The following ATAD5 variants were observed in gnomAD, a reference collection of about 807,000 sequenced individuals.
The protein encoded by ATAD5 is ATPase family AAA domain-containing protein 5.
ATAD5 carries 58 observed loss-of-function variants against 176.9 expected under a neutral mutation model. The observed-to-expected ratio is 0.33, with a 90% CI of 0.27 to 0.41. The LOEUF (loss-of-function observed/expected upper bound fraction) is 0.41, where lower values mean the gene tolerates loss of function less well. ATAD5 is among the 10% of genes least tolerant of loss of function. The probability of loss-of-function intolerance (pLI) is 1.00; values close to 1 mark genes in which losing one functional copy is unlikely to be tolerated. For missense variants in ATAD5, 1,789 were observed against 2,094.1 expected (o/e 0.85, Z 2.84); for synonymous variants, 640 against 712.6 (o/e 0.90, Z 1.62).
intron 19 of ATAD5, among the ~76,000 whole-genome samples, chr17:30,891,909 C>G (rs1246634957): frequency 6.8e-6 from 1 of 146,376 alleles, no homozygotes; most frequent in African/African-American, 2.5e-5. Flanking sequence ...TGGTCTCGAA[C>G]TTGCCCAGGA....
chr17:30,883,256 C>G (rs148429419), intron 18 of ATAD5, among the ~76,000 whole-genome samples: 5 of 151,808 alleles, frequency 3.3e-5, no homozygotes, highest in African/African-American at 9.7e-5. Context: ...TCCTGAGTAG[C>G]TAGGACCATA....
rs1371352934 is a variant in ATAD5 at position 30,895,053 on chromosome 17, G to A, written c.*140G>A. 1 of 533,358 alleles carries A rather than the reference G, an allele frequency of 1.9e-6. No homozygotes were observed. The highest frequency in any genetic ancestry group is 3.0e-6 in the Non-Finnish European group (1 of 332,098). 33.0% of individuals were successfully genotyped at this position (533,358 alleles called of 1,614,324 possible). A position where few individuals can be genotyped will look rare whatever the true frequency, so the allele number is the denominator to read the frequency against. On this transcript the variant is annotated 3_prime_UTR_variant, in exon 23 of 23. Coordinates refer to ENST00000321990, the MANE Select transcript of ATAD5 (RefSeq NM_024857.5). ...AATTTGTATATTTTTTTATTGGCGG[G>A]TAAATATTTAAAATATTTGAGTTAC...
chr17:30,832,777 G>C (rs966036717), intron 1 of ATAD5, among the ~76,000 whole-genome samples: 28 of 152,198 alleles, frequency 1.8e-4, no homozygotes, highest in African/African-American at 6.5e-4. Flanking sequence ...CTGAACTTTA[G>C]CGCTGAAGAA....
chr17:30,860,553 A>G lies in ATAD5; in HGVS notation c.3077A>G (p.Lys1026Arg). Residue 1026 changes from lysine to arginine, a missense_variant, in exon 10 of 23, where the codon AAG becomes AGG. By Grantham distance (26) the Lys-to-Arg change is conservative. Around this residue, in one of 6 missense-constraint regions of ATAD5, gnomAD observed 487 missense variants for 573.6 expected, o/e 0.85. Coordinates refer to ENST00000321990, the MANE Select transcript of ATAD5 (RefSeq NM_024857.5). ...YSKNLEKTNR[K>R]SEELSKRNNS... Reference sequence around the variant, plus strand: ...AAAAATCTGGAGAAGACCAATAGGAAGTCAGAAGAACTTAGCAAAAGAAAC... The same window carrying G: ...AAAAATCTGGAGAAGACCAATAGGAGGTCAGAAGAACTTAGCAAAAGAAAC... The G allele has an allele frequency of 6.3e-7, 1 of 1,594,504 alleles. No homozygotes were observed.
chr17:30,850,159 T>C (rs1906782010), intron 6 of ATAD5, among the ~76,000 whole-genome samples: 1 of 151,998 alleles, frequency 6.6e-6, no homozygotes, highest in South Asian at 2.1e-4. Context: ...AATTTTTTTT[T>C]TGCTCTTCTT....
chr17:30,891,710 G>C (rs1909648570), intron 19 of ATAD5, among the ~76,000 whole-genome samples: 1 of 150,266 alleles, frequency 6.7e-6, no homozygotes, highest in Non-Finnish European at 1.5e-5. Flanking sequence ...CTTTGAGTTG[G>C]AGTCTCGCTC....
At chr17:30,844,146 T>C in intron 5 of ATAD5, 107 bp downstream of exon 5, 1 of 1,033,818 alleles carries the variant, frequency 9.7e-7, no homozygotes, top group Non-Finnish European at 1.3e-6. Context: ...TATTTATTTT[T>C]GAGACGGAGT....
intron 7 of ATAD5, 23 bp from the exon 8 acceptor site, chr17:30,856,932 G>T: frequency 1.3e-6 from 2 of 1,549,106 alleles, no homozygotes; most frequent in East Asian, 4.6e-5. Context: ...GGTTTATTAA[G>T]ATATTTGTCT....
At position 30,836,054 on chromosome 17, in the gene ATAD5, GT is replaced by G. The variant is rs775302184; in HGVS notation, c.1967+9del. On this transcript the variant is annotated splice_region_variant and intron_variant, in intron 2 of 22. Coordinates refer to ENST00000321990, the MANE Select transcript of ATAD5 (RefSeq NM_024857.5). ...GATTCAGAGAGCCCTATTAGGTAAG[GT>G]TTGTTTTTGTTCTAACGTTCTAGTA... 2 of 1,568,254 alleles carry G rather than the reference GT, an allele frequency of 1.3e-6. No homozygotes were observed. Among genetic ancestry groups the G allele is most frequent in the Non-Finnish European group, 1.7e-6 (2 of 1,160,112 alleles).
At chr17:30,867,694 C>G (rs555523736) in intron 11 of ATAD5, among the ~76,000 whole-genome samples, 1 of 152,190 alleles carries the variant, frequency 6.6e-6, no homozygotes, top group African/African-American at 2.4e-5. Context: ...TCACTGCAAC[C>G]TTCGCCTCTC....
intron 19 of ATAD5, among the ~76,000 whole-genome samples, chr17:30,888,933 G>A (rs1909471291): frequency 6.6e-6 from 1 of 151,838 alleles, no homozygotes. Flanking sequence ...GGGTGTGGCG[G>A]CACATGCCTG....
At position 30,894,959 on chromosome 17, in the gene ATAD5, A is replaced by C. The variant is rs1909834151; in HGVS notation, c.*46A>C. 7.7e-7 allele frequency: 1 copy of C among 1,301,090 alleles called. No homozygotes were observed. The highest frequency in any genetic ancestry group is 1.6e-5 in the South Asian group (1 of 63,684). The allele number at this position is 1,301,090 out of a possible 1,614,324, so 80.6% of individuals were successfully genotyped here. A position where few individuals can be genotyped will look rare whatever the true frequency, so the allele number is the denominator to read the frequency against. ...TTGTATAGATTATCATGTGGTCCTTAAGATACATTTTTATATTATGTGGAT... is the reference window on the plus strand; with the variant it reads ...TTGTATAGATTATCATGTGGTCCTTCAGATACATTTTTATATTATGTGGAT... On this transcript the variant is annotated 3_prime_UTR_variant, in exon 23 of 23. Transcript: ENST00000321990.
At chr17:30,833,277 C>G (rs1007529677) in intron 1 of ATAD5, among the ~76,000 whole-genome samples, 4 of 152,054 alleles carry the variant, frequency 2.6e-5, no homozygotes, top group Non-Finnish European at 4.4e-5. Context: ...ACTTGATGTA[C>G]ACAGTTCTTG....
intron 4 of ATAD5, among the ~76,000 whole-genome samples, chr17:30,843,051 T>C (rs1906230237): frequency 6.6e-6 from 1 of 151,688 alleles, no homozygotes; most frequent in Non-Finnish European, 1.5e-5. Flanking sequence ...ATTAGTTGCT[T>C]TTTCAAAAAA....
At chr17:30,866,086 C>G (rs1738749943) in intron 11 of ATAD5, among the ~76,000 whole-genome samples, 1 of 151,082 alleles carries the variant, frequency 6.6e-6, no homozygotes, top group Admixed American at 6.6e-5. Context: ...CCCAGTCCTT[C>G]ATCTTCAATT....
intron 6 of ATAD5, among the ~76,000 whole-genome samples, chr17:30,850,808 AATT>A (rs1467016525): frequency 2.4e-5 from 3 of 124,730 alleles, no homozygotes; most frequent in African/African-American, 6.0e-5. Context: ...ATTTTAAAGA[AATT>A]ATTATTTATA....
At chr17:30,879,703 C>CA (rs1356395256) in intron 18 of ATAD5, among the ~76,000 whole-genome samples, 2 of 151,960 alleles carry the variant, frequency 1.3e-5, no homozygotes, top group Non-Finnish European at 2.9e-5. Flanking sequence ...GCTGGGACTA[C>CA]AGGCGCCTGC....
rs749686751 is a variant in ATAD5 at position 30,840,717 on chromosome 17, T to A, written c.2177T>A (p.Ile726Lys). ...SRSKVTEEIA[I>K]PLRRSSRHQT... ...TCAAAGGTGACTGAAGAAATAGCGA[T>A]ACCCTTAAGGCGCTCCTCTAGACAT... Residue 726 changes from isoleucine (I) to lysine (K), a missense_variant, in exon 4 of 23, where the codon ATA becomes AAA. Ile to Lys is a moderately radical substitution (Grantham distance 102, BLOSUM62 -3). Coordinates refer to ENST00000321990, the MANE Select transcript of ATAD5 (RefSeq NM_024857.5). The A allele has an allele frequency of 1.0e-4, 163 of 1,609,572 alleles. No individual in the cohort carries two copies. The highest frequency in any genetic ancestry group is 1.2e-4 in the Non-Finnish European group (147 of 1,178,456).
chr17:30,872,525 GTTTC>G lies in ATAD5; in HGVS notation c.3607+2883_3607+2886del, dbSNP rs1014806416. Among the ~76,000 whole-genome samples, 173 of 146,006 alleles carry G rather than the reference GTTTC, an allele frequency of 1.2e-3. No individual in the cohort carries two copies. In the South Asian group the frequency reaches 0.036, roughly 31 times the overall value. On this transcript the variant is annotated intron_variant, in intron 14 of 22. Transcript: ENST00000321990. ...ATCTCTGTCTGCTTGGCCTCCTCAG[GTTTC>G]TTTTTCTTTTTTTTTTTCTTTTTTC...
Sources: gnomAD v4.1 joint callset for allele counts (sites outside exome capture counted in the v4.1 genomes callset) on GRCh38, gnomAD v4.1.1 for gene constraint, gnomAD v4.1.1 regional missense constraint, MANE v1.5 for transcripts, NCBI Gene and HGNC (gene_info 2026-07-23, HGNC 2026-07-21) for gene names.